ZNF324: variants seen among roughly 807,000 people sequenced by gnomAD.
ZNF324 encodes the protein zinc finger protein 324A.
ZNF324 carries 3 observed loss-of-function variants against 10.3 expected under a neutral mutation model. The ratio of observed to expected loss-of-function variants is 0.29; its 90% CI spans 0.13 to 0.75. The LOEUF (loss-of-function observed/expected upper bound fraction) is 0.75. ZNF324 is among the 30% of genes least tolerant of loss of function. ZNF324 has a pLI of 0.69. For missense variants in ZNF324, 763 were observed against 784.4 expected (o/e 0.97, Z 0.33); for synonymous variants, 430 against 339.5 (o/e 1.27, Z -2.93).
In ZNF324 at chr19:58,472,413, T is replaced by C; in HGVS notation, c.*259T>C. 1 of 514,708 alleles carries C rather than the reference T, an allele frequency of 1.9e-6. No homozygotes were observed. The allele number at this position is 514,708 out of a possible 1,614,324, so 31.9% of individuals were successfully genotyped here. ...GGCTGAACTCTAGTGGGGCCGAGACTATTCAGAGCCAGTAGGAGGCCGACA... is the reference window on the plus strand; with the variant it reads ...GGCTGAACTCTAGTGGGGCCGAGACCATTCAGAGCCAGTAGGAGGCCGACA... On this transcript the variant is annotated 3_prime_UTR_variant, in exon 4 of 4. Coordinates refer to ENST00000196482, the MANE Select transcript of ZNF324 (RefSeq NM_014347.3).
chr19:58,468,735 C>T (rs1234119994), intron 1 of ZNF324, among the ~76,000 whole-genome samples: 2 of 152,008 alleles, frequency 1.3e-5, no homozygotes, highest in East Asian at 1.9e-4. Flanking sequence ...TTGTGTATGG[C>T]GTTGCCAGTG....
rs751871273 is a variant in ZNF324 at position 58,471,395 on chromosome 19, G to A, written c.903G>A (p.Thr301=). 1.3e-5 allele frequency: 21 copies of A among 1,613,294 alleles called. No homozygotes were observed. Among genetic ancestry groups the A allele is most frequent in the African/African-American group, 1.1e-4 (8 of 74,876 alleles). Residue 301 remains threonine (T), a synonymous_variant, in exon 4 of 4, where the codon ACG becomes ACA. Coordinates refer to ENST00000196482, the MANE Select transcript of ZNF324 (RefSeq NM_014347.3). ...GKAFSQTSHL[T]QHQRIHSGET... is the part of the protein sequence containing the mutation. ...CCTTCAGCCAGACGTCGCACTTGAC[G>A]CAGCACCAGCGCATCCACAGCGGCG...
At position 58,467,096 on chromosome 19, in the gene ZNF324, C is replaced by T; in HGVS notation, c.-94C>T. 1 of 190,912 alleles carries T rather than the reference C, an allele frequency of 5.2e-6. No homozygotes were observed. The highest frequency in any genetic ancestry group is 2.3e-5 in the African/African-American group (1 of 42,838). 11.8% of individuals were successfully genotyped at this position (190,912 alleles called of 1,614,324 possible). A position where few individuals can be genotyped will look rare whatever the true frequency, so the allele number is the denominator to read the frequency against. On this transcript the variant is annotated 5_prime_UTR_variant, in exon 1 of 4. Coordinates refer to ENST00000196482, the MANE Select transcript of ZNF324 (RefSeq NM_014347.3). ...GGGACTGTCACTTCGCCGCCCGCGT[C>T]AGGCCACACCGGTGGTCTGGGCTGG...
At position 58,470,941 on chromosome 19, in the gene ZNF324, G is replaced by A. The variant is rs2053025100; in HGVS notation, c.449G>A (p.Gly150Asp). ...SVIYWERLLL[G>D]SGSGQASVSL... ...ATCTACTGGGAGAGGCTCCTGCTAG[G>A]CTCAGGCAGTGGGCAAGCCAGCGTC... Residue 150 changes from glycine (G) to aspartate (D), a missense_variant, in exon 4 of 4, where the codon GGC becomes GAC. Coordinates refer to ENST00000196482, the MANE Select transcript of ZNF324 (RefSeq NM_014347.3). 1.2e-6 allele frequency: 2 copies of A among 1,614,090 alleles called. No homozygotes were observed. The highest frequency in any genetic ancestry group is 1.7e-6 in the Non-Finnish European group (2 of 1,180,052).
Position 58,472,002 on chromosome 19 carries a change from A to ACCGGCGAGAAGACCGT in ZNF324, c.1518_1533dup (p.Ser512GlufsTer128). ...CCTCTTCCACCACCAGAGGATCCAT[A>ACCGGCGAGAAGACCGT]CCGGCGAGAAGACCGTCCGGCGATC... is the stretch of plus-strand genomic sequence containing the variant. On this transcript the variant is annotated frameshift_variant, in exon 4 of 4. Coordinates refer to ENST00000196482, the MANE Select transcript of ZNF324 (RefSeq NM_014347.3). LOFTEE classifies it low-confidence loss of function (END_TRUNC). The ACCGGCGAGAAGACCGT allele has an allele frequency of 6.2e-7, 1 of 1,608,224 alleles. No individual in the cohort carries two copies. Among genetic ancestry groups the ACCGGCGAGAAGACCGT allele is most frequent in the Non-Finnish European group, 8.5e-7 (1 of 1,179,680 alleles).
In ZNF324 at chr19:58,471,151, G is replaced by A; in HGVS notation, c.659G>A (p.Gly220Glu). Residue 220 changes from glycine to glutamate, a missense_variant, in exon 4 of 4, where the codon GGA becomes GAA. Around this residue, in one of 3 missense-constraint regions of ZNF324, gnomAD observed 379 missense variants for 319.4 expected, o/e 1.19. Coordinates refer to ENST00000196482, the MANE Select transcript of ZNF324 (RefSeq NM_014347.3). ...AQDLEAAGGR[G>E]HHRMGAVWQE... ...GACCTGGAGGCTGCCGGCGGTCGGG[G>A]ACATCACCGAATGGGTGCAGTTTGG... 6.2e-7 allele frequency: 1 copy of A among 1,613,772 alleles called. No homozygotes were observed. Among genetic ancestry groups the A allele is most frequent in the Middle Eastern group, 1.6e-4 (1 of 6,062 alleles).
chr19:58,470,609 C>T, intron 3 of ZNF324, 122 bp from the exon 4 acceptor site: 6 of 1,259,118 alleles, frequency 4.8e-6, no homozygotes, highest in African/African-American at 1.4e-5. Context: ...GCCAGCCTCA[C>T]CTCTACTTTT....
In ZNF324 at chr19:58,475,164, C is replaced by T. The variant is rs2053070200; in HGVS notation, c.*3010C>T. ...GCTCCGAGTTGACAAGTCTCATCCA[C>T]GCACATGCTCGGTGCTTCCAATCGG... On this transcript the variant is annotated 3_prime_UTR_variant, in exon 4 of 4. Coordinates refer to ENST00000196482, the MANE Select transcript of ZNF324 (RefSeq NM_014347.3). The T allele has an allele frequency of 6.6e-6, 1 of 152,124 alleles. No individual in the cohort carries two copies. The highest frequency in any genetic ancestry group is 6.5e-5 in the Admixed American group (1 of 15,268). The allele number at this position is 152,124 out of a possible 1,614,324, so 9.4% of individuals were successfully genotyped here.
rs774524182 is a variant in ZNF324, at chr19:58,471,103, G to C, written c.611G>C (p.Gly204Ala). 8 of 1,613,884 alleles carry C rather than the reference G, an allele frequency of 5.0e-6. 1 individual carries two copies. In the South Asian group the frequency reaches 8.8e-5, roughly 18 times the overall value. The change falls in exon 4 of 4, where the codon GGG becomes GCG. Residue 204 changes from glycine to alanine, a missense_variant. By Grantham distance (60) the Gly-to-Ala change is moderately conservative. Transcript: ENST00000196482. Reference sequence around the variant, plus strand: ...AAACCATGTGCACAGGAGGTCCCTGGGAGAACCTTTGGGAGCGCCCAGGAC... The same window carrying C: ...AAACCATGTGCACAGGAGGTCCCTGCGAGAACCTTTGGGAGCGCCCAGGAC... ...RQKPCAQEVP[G>A]RTFGSAQDLE...
intron 1 of ZNF324, among the ~76,000 whole-genome samples, chr19:58,468,689 C>T (rs1330497887): frequency 1.3e-5 from 2 of 152,132 alleles, no homozygotes; most frequent in Non-Finnish European, 2.9e-5. Flanking sequence ...CTTGGTGTGG[C>T]AGCTGAGGGC....
rs2053036897 is a variant in ZNF324, at chr19:58,471,856, G to A, written c.1364G>A (p.Cys455Tyr). 1 of 1,612,452 alleles carries A rather than the reference G, an allele frequency of 6.2e-7. No individual in the cohort carries two copies. The highest frequency in any genetic ancestry group is 1.3e-5 in the African/African-American group (1 of 74,924). ...LLHTGERPFR[C>Y]VDCGKAFAKG... ...CACACGGGCGAGCGGCCCTTCCGCT[G>A]CGTGGACTGTGGCAAGGCCTTCGCC... is the stretch of plus-strand genomic sequence containing the variant. Residue 455 changes from cysteine (C) to tyrosine (Y), a missense_variant, in exon 4 of 4, where the codon TGC (cysteine) becomes TAC (tyrosine). By Grantham distance (194) the Cys-to-Tyr change is radical (BLOSUM62 -2). Transcript: ENST00000196482.
At position 58,471,194 on chromosome 19, in the gene ZNF324, C is replaced by T. The variant is rs1438365179; in HGVS notation, c.702C>T (p.Leu234=). The change falls in exon 4 of 4, where the codon CTC becomes CTT. Residue 234 remains leucine (L), a synonymous_variant. Transcript: ENST00000196482. ...CAGTTTGGCAGGAGCCTCATAGACT[C>T]CTCGGTGGCCAGGAGCCCTCGACCT... ...MGAVWQEPHR[L]LGGQEPSTWD... 1.2e-6 allele frequency: 2 copies of T among 1,613,404 alleles called. No individual in the cohort carries two copies. Among genetic ancestry groups the T allele is most frequent in the Non-Finnish European group, 1.7e-6 (2 of 1,179,850 alleles).
chr19:58,471,556 A>T lies in ZNF324; in HGVS notation c.1064A>T (p.Asn355Ile). 6.3e-7 allele frequency: 1 copy of T among 1,584,432 alleles called. No homozygotes were observed. The highest frequency in any genetic ancestry group is 8.6e-7 in the Non-Finnish European group (1 of 1,163,560). ...GGCAAGGCCTTCAGCCACGGCTCCA[A>T]CCTCAGCCAGCACCGCAAGATCCAC... ...ECGKAFSHGS[N>I]LSQHRKIHAG... Residue 355 changes from asparagine to isoleucine, a missense_variant, in exon 4 of 4, where the codon AAC becomes ATC. Asn to Ile is a moderately radical substitution (Grantham distance 149). Transcript: ENST00000196482.
chr19:58,474,298 GTCAGGAGCAAAAGCATCTGTCAA>G lies in ZNF324; in HGVS notation c.*2145_*2167del, dbSNP rs1249705848. ...GCACTTTTCTGGGGAGCCCATGGGA[GTCAGGAGCAAAAGCATCTGTCAA>G]ACAAGTAGATACCCAGAGAGTCACG... On this transcript the variant is annotated 3_prime_UTR_variant, in exon 4 of 4. Transcript: ENST00000196482. 6 of 152,248 alleles carry G rather than the reference GTCAGGAGCAAAAGCATCTGTCAA, an allele frequency of 3.9e-5. No individual in the cohort carries two copies. The highest frequency in any genetic ancestry group is 8.8e-5 in the Non-Finnish European group (6 of 68,068). The allele number at this position is 152,248 out of a possible 1,614,324, so 9.4% of individuals were successfully genotyped here.
chr19:58,469,449 A>C (rs2053008797), intron 2 of ZNF324, 143 bp downstream of exon 2: 3 of 1,194,960 alleles, frequency 2.5e-6, no homozygotes, highest in Non-Finnish European at 2.3e-6. Context: ...GGTCCTATAG[A>C]CATGCAGTCT....
At chr19:58,467,974 C>T (rs534293536) in intron 1 of ZNF324, among the ~76,000 whole-genome samples, 2 of 151,868 alleles carry the variant, frequency 1.3e-5, no homozygotes, top group Admixed American at 6.6e-5. Context: ...AGGGAAGAAC[C>T]GACTGCCACA....
intron 1 of ZNF324, chr19:58,468,195 A>T: frequency 5.1e-6 from 5 of 985,382 alleles, no homozygotes; most frequent in Non-Finnish European, 6.0e-6. Context: ...CAGGTTGGTC[A>T]TGTCACTGGA....
rs1257529540 is a variant in ZNF324, at chr19:58,472,332, C to T, written c.*178C>T. Reference sequence around the variant, plus strand: ...AGGATTTGCCAGTTCACCCACAGATCACACCTCCATCCCCAAAGAGGTAGC... The same window carrying T: ...AGGATTTGCCAGTTCACCCACAGATTACACCTCCATCCCCAAAGAGGTAGC... On this transcript the variant is annotated 3_prime_UTR_variant, in exon 4 of 4. Coordinates refer to ENST00000196482, the MANE Select transcript of ZNF324 (RefSeq NM_014347.3). 24 of 652,726 alleles carry T rather than the reference C, an allele frequency of 3.7e-5. No individual in the cohort carries two copies. Among genetic ancestry groups the T allele is most frequent in the Non-Finnish European group, 5.6e-5 (22 of 391,714 alleles). The allele number at this position is 652,726 out of a possible 1,614,324, so 40.4% of individuals were successfully genotyped here.
rs1355611818 is a variant in ZNF324, at chr19:58,471,125, G to A, written c.633G>A (p.Gln211=). 7 of 1,613,910 alleles carry A rather than the reference G, an allele frequency of 4.3e-6. No individual in the cohort carries two copies. The highest frequency in any genetic ancestry group is 5.9e-6 in the Non-Finnish European group (7 of 1,180,048). ...EVPGRTFGSA[Q]DLEAAGGRGH... ...CTGGGAGAACCTTTGGGAGCGCCCA[G>A]GACCTGGAGGCTGCCGGCGGTCGGG... Residue 211 remains glutamine, a synonymous_variant, in exon 4 of 4, where the codon CAG becomes CAA. Coordinates refer to ENST00000196482, the MANE Select transcript of ZNF324 (RefSeq NM_014347.3).
Sources: allele counts gnomAD v4.1 joint callset (sites outside exome capture counted in the v4.1 genomes callset), GRCh38; gene constraint gnomAD v4.1.1; regional missense constraint gnomAD v4.1.1; transcripts MANE v1.5; gene names NCBI Gene and HGNC (gene_info 2026-07-23, HGNC 2026-07-21).